The following ERC1 variants were observed in gnomAD, a reference collection of about 807,000 sequenced individuals.
ERC1 encodes the protein RAB6 interacting protein 2.
ERC1 carries 56 observed loss-of-function variants against 132.0 expected under a neutral mutation model. That is an observed-to-expected ratio of 0.42 (90% CI 0.34 to 0.53). The LOEUF (loss-of-function observed/expected upper bound fraction) is 0.53, where lower values mean the gene tolerates loss of function less well. Among genes scored for constraint, ERC1 ranks in the 20% least tolerant of loss-of-function variants. ERC1 has a pLI of 0.03. For synonymous variants in ERC1, 478 were observed against 476.1 expected, an observed-to-expected ratio of 1.00 and a Z score of -0.05; for missense variants, 1,202 against 1,349.9, an observed-to-expected ratio of 0.89 and a Z score of 1.72.
At chr12:1,224,314 G>A (rs570862689) in intron 12 of ERC1, among the ~76,000 whole-genome samples, 3 of 144,620 alleles carry the variant, frequency 2.1e-5, no homozygotes, top group Non-Finnish European at 4.8e-5. Context: ...GTAGGCAAGA[G>A]ATTGATTTAA....
chr12:1,026,091 C>G (rs1966869431), intron 1 of ERC1, among the ~76,000 whole-genome samples: 1 of 152,186 alleles, frequency 6.6e-6, no homozygotes, highest in African/African-American at 2.4e-5. Context: ...CCACTGCACC[C>G]TGCCAGGAAA....
chr12:1,396,917 T>C (rs1476695417), intron 16 of ERC1, among the ~76,000 whole-genome samples: 1 of 152,054 alleles, frequency 6.6e-6, no homozygotes, highest in Non-Finnish European at 1.5e-5. Flanking sequence ...CAGTGACAGA[T>C]GACAAAGAAG....
intron 18 of ERC1, among the ~76,000 whole-genome samples, chr12:1,487,784 G>A (rs1157061308): frequency 7.1e-6 from 1 of 141,114 alleles, no homozygotes; most frequent in Admixed American, 7.2e-5. Context: ...AGGGAGGAAG[G>A]AAGAAAAGAA....
At chr12:1,163,803 C>T (rs911159381) in intron 8 of ERC1, among the ~76,000 whole-genome samples, 3 of 152,178 alleles carry the variant, frequency 2.0e-5, no homozygotes, top group African/African-American at 7.2e-5. Flanking sequence ...GCAACCTCTA[C>T]CTCCTGGGTT....
intron 16 of ERC1, among the ~76,000 whole-genome samples, chr12:1,401,213 C>T (rs1438114016): frequency 2.0e-5 from 3 of 151,986 alleles, no homozygotes; most frequent in Non-Finnish European, 4.4e-5. Context: ...GGATTACAGG[C>T]GTGAGCCACC....
intron 8 of ERC1, among the ~76,000 whole-genome samples, chr12:1,176,577 CTTTTCTTTTTTTTT>C (rs1953749103): frequency 6.7e-6 from 1 of 149,690 alleles, no homozygotes; most frequent in Admixed American, 6.6e-5. Context: ...TTTTTTTTTT[CTTTTCTTTTTTTTT>C]CCTTTTTGAG....
intron 2 of ERC1, among the ~76,000 whole-genome samples, chr12:1,067,039 C>G (rs1939343441): frequency 6.6e-6 from 1 of 152,094 alleles, no homozygotes; most frequent in African/African-American, 2.4e-5. Flanking sequence ...AACTCTTGGG[C>G]TCAAGCAATC....
In ERC1 at chr12:1,112,312, G is replaced by A; in HGVS notation, c.1401+14G>A. 6.3e-7 allele frequency: 1 copy of A among 1,598,840 alleles called. No individual in the cohort carries two copies. ...CTTCAGGCTGAGGTCTTTGCCGTAA[G>A]ATTTACCTCTTTGTGTGCAGTGGTC... On this transcript the variant is annotated intron_variant, in intron 6 of 18. Coordinates refer to ENST00000360905, the MANE Select transcript of ERC1 (RefSeq NM_178040.4).
At chr12:1,483,849 T>C (rs1437022822) in intron 18 of ERC1, among the ~76,000 whole-genome samples, 2 of 151,708 alleles carry the variant, frequency 1.3e-5, no homozygotes, top group African/African-American at 4.8e-5. Context: ...CACCACCACA[T>C]GTGACCGATT....
Position 991,332 on chromosome 12 carries a change from C to T in ERC1, c.-157+10C>T. On this transcript the variant is annotated intron_variant, in intron 1 of 18. Transcript: ENST00000360905. The stretch of plus-strand genomic sequence containing the variant: ...GGCAGCCCTGAGGACGGTGAGACGG[C>T]CGCGGCGGCGGCGACAGCGCGGAAG... 6.4e-6 allele frequency: 1 copy of T among 155,330 alleles called. No individual in the cohort carries two copies. Among genetic ancestry groups the T allele is most frequent in the Non-Finnish European group, 1.4e-5 (1 of 70,990 alleles). 9.6% of individuals were successfully genotyped at this position (155,330 alleles called of 1,614,324 possible). A position where few individuals can be genotyped will look rare whatever the true frequency, so the allele number is the denominator to read the frequency against.
At chr12:1,447,928 G>A (rs1447348247) in intron 18 of ERC1, among the ~76,000 whole-genome samples, 2 of 152,150 alleles carry the variant, frequency 1.3e-5, no homozygotes, top group Non-Finnish European at 2.9e-5. Flanking sequence ...AGGATTACAG[G>A]AATGAGTGAC....
intron 1 of ERC1, among the ~76,000 whole-genome samples, chr12:1,016,629 T>G (rs895113127): frequency 5.4e-5 from 8 of 147,142 alleles, no homozygotes; most frequent in African/African-American, 1.8e-4. Flanking sequence ...TCAGTGCTTT[T>G]CTTTTCTTTT....
chr12:1,394,209 G>A lies in ERC1; in HGVS notation c.2926-13940G>A, dbSNP rs1479964239. Among the ~76,000 whole-genome samples the A allele has an allele frequency of 5.3e-5, 8 of 151,022 alleles. No homozygotes were observed. The South Asian group carries it at 6.3e-4, about 12-fold the overall frequency. Reference sequence around the variant, plus strand: ...AGGTCAGGAGATCGAGACCATCCTGGCTAACACGGTGAAACCCCATCTCTA... The same window carrying A: ...AGGTCAGGAGATCGAGACCATCCTGACTAACACGGTGAAACCCCATCTCTA... On this transcript the variant is annotated intron_variant, in intron 16 of 18. Coordinates refer to ENST00000360905, the MANE Select transcript of ERC1 (RefSeq NM_178040.4).
At chr12:1,135,291 T>A (rs764787975) in intron 7 of ERC1, among the ~76,000 whole-genome samples, 1 of 152,194 alleles carries the variant, frequency 6.6e-6, no homozygotes, top group East Asian at 1.9e-4. Flanking sequence ...AGGACAGGTG[T>A]CACTTCTGTT....
At chr12:1,179,501 T>TA (rs1491547763) in intron 8 of ERC1, among the ~76,000 whole-genome samples, 2 of 52,518 alleles carry the variant, frequency 3.8e-5, no homozygotes, top group East Asian at 6.2e-4. Flanking sequence ...TTCATTTTTC[T>TA]TTTTTTTTTT....
intron 2 of ERC1, among the ~76,000 whole-genome samples, chr12:1,054,365 T>C (rs1972556629): frequency 6.6e-6 from 1 of 152,124 alleles, no homozygotes; most frequent in African/African-American, 2.4e-5. Context: ...TTAGGAACTG[T>C]GTATTGGGAT....
intron 2 of ERC1, among the ~76,000 whole-genome samples, chr12:1,055,325 A>G (rs1972752291): frequency 6.6e-6 from 1 of 152,022 alleles, no homozygotes. Flanking sequence ...GACTACAGTC[A>G]TGTGCCACTA....
intron 7 of ERC1, among the ~76,000 whole-genome samples, chr12:1,118,818 C>T (rs570425786): frequency 1.8e-4 from 28 of 152,248 alleles, no homozygotes; most frequent in Admixed American, 1.6e-3. Flanking sequence ...ATCTAACACT[C>T]GGATTACTAA....
Position 1,218,722 on chromosome 12 carries a change from A to G in ERC1, c.2352-18047A>G, listed in dbSNP as rs186880045. Among the ~76,000 whole-genome samples the G allele has an allele frequency of 2.1e-3, 309 of 149,398 alleles. 1 individual carries two copies. Among genetic ancestry groups the G allele is most frequent in the Admixed American group, 5.9e-3 (88 of 14,974 alleles). On this transcript the variant is annotated intron_variant, in intron 12 of 18. Coordinates refer to ENST00000360905, the MANE Select transcript of ERC1 (RefSeq NM_178040.4). The stretch of plus-strand genomic sequence containing the variant: ...GTATCTCTGATACCAGTGTCTCCTT[A>G]TTTTCTCCCTCTTTCACCTGTCATT...
Sources: gnomAD v4.1 joint callset for allele counts (sites outside exome capture counted in the v4.1 genomes callset) on GRCh38, gnomAD v4.1.1 for gene constraint, MANE v1.5 for transcripts, NCBI Gene and HGNC (gene_info 2026-07-23, HGNC 2026-07-21) for gene names.